The following CLASP2 variants were observed in gnomAD, a reference collection of about 807,000 sequenced individuals.
CLASP2 encodes CLIP-associating protein 2.
A neutral mutation model predicts 194.4 loss-of-function variants in CLASP2; 47 were observed. The observed-to-expected ratio is 0.24, with a 90% CI of 0.19 to 0.31. The LOEUF (loss-of-function observed/expected upper bound fraction) is 0.31, where lower values mean the gene tolerates loss of function less well. CLASP2 is among the 10% of genes least tolerant of loss of function. The pLI is 1.00. For missense variants in CLASP2, 1,445 were observed against 1,823.6 expected (o/e 0.79, Z 3.78); for synonymous variants, 619 against 633.5 (o/e 0.98, Z 0.34).
At chr3:33,696,151 T>C (rs1367680248) in intron 2 of CLASP2, among the ~76,000 whole-genome samples, 1 of 151,918 alleles carries the variant, frequency 6.6e-6, no homozygotes, top group Non-Finnish European at 1.5e-5. Context: ...GATAAAAAAT[T>C]GGGTCTTGTT....
chr3:33,535,535 T>C, intron 33 of CLASP2, 74 bp from the exon 34 acceptor site: 2 of 1,164,426 alleles, frequency 1.7e-6, no homozygotes, highest in South Asian at 1.5e-5. Context: ...TAAAAAGATA[T>C]TTCTCTACTG....
At chr3:33,602,529 G>T (rs750937905) in intron 18 of CLASP2, 3 of 761,890 alleles carry the variant, frequency 3.9e-6, no homozygotes. Flanking sequence ...TATATGTTTA[G>T]GGTTTGGTTA....
At chr3:33,644,343 G>A (rs1446083369) in intron 8 of CLASP2, 1 of 171,670 alleles carries the variant, frequency 5.8e-6, no homozygotes, top group African/African-American at 2.4e-5. Context: ...TTTAAATGCT[G>A]GAGTATTTAA....
At chr3:33,536,792 T>C (rs1027645382) in intron 33 of CLASP2, among the ~76,000 whole-genome samples, 4 of 152,178 alleles carry the variant, frequency 2.6e-5, no homozygotes, top group Admixed American at 2.6e-4. Flanking sequence ...GGATACATTC[T>C]GCAGTGGAGA....
chr3:33,650,624 A>T (rs1393268971), intron 7 of CLASP2, among the ~76,000 whole-genome samples: 1 of 152,058 alleles, frequency 6.6e-6, no homozygotes, highest in African/African-American at 2.4e-5. Context: ...GAATAGATGG[A>T]AATGGAGGAG....
intron 6 of CLASP2, among the ~76,000 whole-genome samples, chr3:33,679,001 A>G (rs1014389745): frequency 2.0e-5 from 3 of 152,226 alleles, no homozygotes; most frequent in African/African-American, 7.2e-5. Flanking sequence ...GAAGATTGAC[A>G]CTACCTAACT....
At chr3:33,684,858 T>G (rs1255133835) in intron 5 of CLASP2, among the ~76,000 whole-genome samples, 1 of 151,372 alleles carries the variant, frequency 6.6e-6, no homozygotes, top group Admixed American at 6.6e-5. Flanking sequence ...AAACATTAGC[T>G]GGGCATGGTG....
intron 18 of CLASP2, among the ~76,000 whole-genome samples, chr3:33,599,674 A>G (rs2154250596): frequency 6.6e-6 from 1 of 152,278 alleles, no homozygotes; most frequent in South Asian, 2.1e-4. Flanking sequence ...TAATTCATAC[A>G]TGTATAGCCA....
chr3:33,519,867 T>C (rs939565045), intron 34 of CLASP2, among the ~76,000 whole-genome samples: 3 of 152,154 alleles, frequency 2.0e-5, no homozygotes, highest in Admixed American at 1.3e-4. Context: ...CCAATTTAGA[T>C]TTCAGTTATA....
At chr3:33,644,545 A>T in intron 8 of CLASP2, 1 of 606,910 alleles carries the variant, frequency 1.6e-6, no homozygotes, top group Non-Finnish European at 2.9e-6. Context: ...TCAAGAAGAG[A>T]CTAATTCACA....
At chr3:33,591,763 A>C (rs1033288214) in intron 21 of CLASP2, among the ~76,000 whole-genome samples, 1 of 152,244 alleles carries the variant, frequency 6.6e-6, no homozygotes, top group African/African-American at 2.4e-5. Flanking sequence ...CAAAAATGTA[A>C]ATCTTAAATT....
At chr3:33,704,877 AGGAAAAT>A (rs2092597562) in intron 1 of CLASP2, among the ~76,000 whole-genome samples, 1 of 152,180 alleles carries the variant, frequency 6.6e-6, no homozygotes, top group African/African-American at 2.4e-5. Flanking sequence ...CACACCTACT[AGGAAAAT>A]GGAAAATGTC....
At chr3:33,584,578 T>C (rs1409845558) in intron 22 of CLASP2, among the ~76,000 whole-genome samples, 172 bp downstream of exon 22, 5 of 152,068 alleles carry the variant, frequency 3.3e-5, no homozygotes, top group South Asian at 4.2e-4. Flanking sequence ...GAATTACACA[T>C]TTAAGATACC....
At chr3:33,697,997 T>TC (rs944002751) in intron 1 of CLASP2, among the ~76,000 whole-genome samples, 1 of 152,122 alleles carries the variant, frequency 6.6e-6, no homozygotes, top group Non-Finnish European at 1.5e-5. Flanking sequence ...ACTTACAGGC[T>TC]CTAGTTCACA....
intron 27 of CLASP2, among the ~76,000 whole-genome samples, chr3:33,565,790 T>C (rs1380652013): frequency 1.3e-5 from 2 of 151,454 alleles, no homozygotes; most frequent in South Asian, 2.1e-4. Context: ...CCAGCCTGGG[T>C]GAAAGAGCGA....
intron 33 of CLASP2, among the ~76,000 whole-genome samples, chr3:33,538,151 AAAG>A (rs955948619): frequency 6.6e-6 from 1 of 151,740 alleles, no homozygotes; most frequent in Non-Finnish European, 1.5e-5. Context: ...AAAAAAAAAA[AAAG>A]ACTCAATGTG....
chr3:33,659,222 G>A (rs2084867414), intron 7 of CLASP2: 2 of 1,306,348 alleles, frequency 1.5e-6, no homozygotes, highest in African/African-American at 3.0e-5. Context: ...AGCCTAGAAG[G>A]ACTTGATTAA....
At chr3:33,575,145 A>T (rs548662393) in intron 24 of CLASP2, among the ~76,000 whole-genome samples, 149 of 152,294 alleles carry the variant, frequency 9.8e-4, no homozygotes, top group African/African-American at 3.4e-3. Context: ...TCAGAACAAG[A>T]TGTGATCAAT....
At chr3:33,552,114 TA>T (rs2060103919) in intron 29 of CLASP2, among the ~76,000 whole-genome samples, 1 of 145,498 alleles carries the variant, frequency 6.9e-6, no homozygotes, top group South Asian at 2.2e-4. Context: ...TGTGGGTTTA[TA>T]ATTTTTTTTT....
Sources: gnomAD v4.1 joint callset for allele counts (sites outside exome capture counted in the v4.1 genomes callset) on GRCh38, gnomAD v4.1.1 for gene constraint, MANE v1.5 for transcripts, NCBI Gene and HGNC (gene_info 2026-07-23, HGNC 2026-07-21) for gene names.